The following AUTS2 variants were observed in gnomAD, a reference collection of about 807,000 sequenced individuals.
AUTS2 encodes autism susceptibility gene 2 protein.
In AUTS2, 17 loss-of-function variants were observed where a neutral mutation model predicts 112.4. The observed-to-expected ratio is 0.15, with a 90% CI of 0.10 to 0.23. The LOEUF (loss-of-function observed/expected upper bound fraction) is 0.23, where lower values mean the gene tolerates loss of function less well. AUTS2 is among the 10% of genes least tolerant of loss of function. The pLI, the probability that AUTS2 is intolerant of heterozygous loss-of-function variation, is 1.00. For missense variants in AUTS2, 1,510 were observed against 1,701.6 expected, an observed-to-expected ratio of 0.89 and a Z score of 1.98; for synonymous variants, 751 against 702.7, an observed-to-expected ratio of 1.07 and a Z score of -1.09.
chr7:70,167,097 A>G (rs1447140499), intron 4 of AUTS2, among the ~76,000 whole-genome samples: 1 of 152,114 alleles, frequency 6.6e-6, no homozygotes, highest in East Asian at 1.9e-4. Context: ...GTGGTGGCTC[A>G]TGCCTGTAAT....
intron 2 of AUTS2, among the ~76,000 whole-genome samples, chr7:70,007,321 T>C (rs1799589956): frequency 6.6e-6 from 1 of 152,222 alleles, no homozygotes; most frequent in Admixed American, 6.5e-5. Flanking sequence ...TAGAAAACTT[T>C]GAAAGTAGAA....
chr7:70,139,196 G>A (rs1030649135), intron 4 of AUTS2, among the ~76,000 whole-genome samples: 1 of 152,032 alleles, frequency 6.6e-6, no homozygotes, highest in Non-Finnish European at 1.5e-5. Context: ...TGAACTCCTG[G>A]GCTCAAGCTA....
At chr7:70,647,205 C>G (rs1486178560) in intron 5 of AUTS2, among the ~76,000 whole-genome samples, 1 of 152,200 alleles carries the variant, frequency 6.6e-6, no homozygotes, top group Non-Finnish European at 1.5e-5. Flanking sequence ...TGTGCCCATT[C>G]CACGTTTCCC....
chr7:70,382,139 C>T (rs989507445), intron 4 of AUTS2, among the ~76,000 whole-genome samples: 3 of 152,164 alleles, frequency 2.0e-5, no homozygotes, highest in African/African-American at 4.8e-5. Flanking sequence ...CTGTAATCTC[C>T]TCTTCTCTCC....
At chr7:70,024,311 C>T (rs980371457) in intron 2 of AUTS2, among the ~76,000 whole-genome samples, 4 of 152,134 alleles carry the variant, frequency 2.6e-5, no homozygotes, top group Admixed American at 1.3e-4. Context: ...CAGATTGACA[C>T]AAGTATTTAG....
At chr7:70,432,702 A>G (rs1795726186) in intron 4 of AUTS2, among the ~76,000 whole-genome samples, 1 of 152,172 alleles carries the variant, frequency 6.6e-6, no homozygotes, top group African/African-American at 2.4e-5. Flanking sequence ...TGCTGAGTGC[A>G]TTTATTGGCT....
chr7:69,961,960 T>G (rs761382741), intron 2 of AUTS2, among the ~76,000 whole-genome samples: 1 of 152,162 alleles, frequency 6.6e-6, no homozygotes, highest in African/African-American at 2.4e-5. Flanking sequence ...CATTGAACAC[T>G]ATTTTCTATC....
chr7:70,224,140 T>C (rs192115851), intron 4 of AUTS2, among the ~76,000 whole-genome samples: 29 of 152,112 alleles, frequency 1.9e-4, no homozygotes, highest in Non-Finnish European at 4.4e-5. Context: ...TGTGGTGAAA[T>C]CTTGTCTCTA....
intron 1 of AUTS2, among the ~76,000 whole-genome samples, chr7:69,610,644 C>T (rs1343390838): frequency 2.6e-5 from 4 of 152,092 alleles, no homozygotes; most frequent in Non-Finnish European, 2.9e-5. Flanking sequence ...CTCACTTGGT[C>T]GGTGCTTCCA....
chr7:69,810,253 C>T (rs760419623), intron 1 of AUTS2, among the ~76,000 whole-genome samples: 22 of 152,284 alleles, frequency 1.4e-4, no homozygotes, highest in Non-Finnish European at 2.9e-4. Flanking sequence ...AACTCTATGA[C>T]TTAATAATTG....
At chr7:70,117,892 G>A (rs1676129252) in intron 2 of AUTS2, among the ~76,000 whole-genome samples, 1 of 152,028 alleles carries the variant, frequency 6.6e-6, no homozygotes, top group Non-Finnish European at 1.5e-5. Flanking sequence ...GGGATTACAG[G>A]CACATGCCAC....
chr7:69,910,398 G>T (rs1457492652), intron 2 of AUTS2, among the ~76,000 whole-genome samples: 1 of 152,198 alleles, frequency 6.6e-6, no homozygotes, highest in East Asian at 1.9e-4. Context: ...GGCGTAGAGT[G>T]GCAAGGGGTG....
chr7:70,667,439 G>A (rs1807405881), intron 5 of AUTS2, among the ~76,000 whole-genome samples: 1 of 152,086 alleles, frequency 6.6e-6, no homozygotes, highest in Non-Finnish European at 1.5e-5. Flanking sequence ...ACTACCCCTT[G>A]GAAGATTGAC....
At chr7:70,310,892 T>C (rs6943522) in intron 4 of AUTS2, among the ~76,000 whole-genome samples, 116 of 152,296 alleles carry the variant, frequency 7.6e-4, no homozygotes, top group African/African-American at 2.7e-3. Flanking sequence ...TTTTTAAATG[T>C]TAATACAAGT....
intron 6 of AUTS2, among the ~76,000 whole-genome samples, chr7:70,711,966 C>G (rs1810077064): frequency 6.6e-6 from 1 of 152,162 alleles, no homozygotes; most frequent in Non-Finnish European, 1.5e-5. Context: ...AAATACAACC[C>G]AACATGCTTA....
At chr7:70,581,633 C>T (rs747629127) in intron 5 of AUTS2, among the ~76,000 whole-genome samples, 40 of 152,042 alleles carry the variant, frequency 2.6e-4, no homozygotes, top group Admixed American at 5.9e-4. Flanking sequence ...GTTTGTTACC[C>T]ACCACAGTAC....
intron 5 of AUTS2, among the ~76,000 whole-genome samples, chr7:70,491,460 TTA>T (rs35681074): frequency 0.26 from 32,967 of 125,128 alleles, 4,450 homozygotes; most frequent in Middle Eastern, 0.35. Flanking sequence ...AATATATATG[TTA>T]TATATACACA....
intron 4 of AUTS2, among the ~76,000 whole-genome samples, chr7:70,231,538 G>T (rs1229228276): frequency 6.6e-6 from 1 of 151,954 alleles, no homozygotes; most frequent in Non-Finnish European, 1.5e-5. Flanking sequence ...CACCTCACAG[G>T]TTCACACCAT....
At chr7:70,575,306 T>C (rs919865106) in intron 5 of AUTS2, among the ~76,000 whole-genome samples, 1 of 150,606 alleles carries the variant, frequency 6.6e-6, no homozygotes. Context: ...AGCAGGCACA[T>C]GGGGCACCCC....
Sources: allele counts gnomAD v4.1 joint callset (sites outside exome capture counted in the v4.1 genomes callset), GRCh38; gene constraint gnomAD v4.1.1; transcripts MANE v1.5; gene names NCBI Gene and HGNC (gene_info 2026-07-23, HGNC 2026-07-21).